The following B3GAT2 variants were observed in gnomAD, a reference collection of about 807,000 sequenced individuals.
B3GAT2 encodes the protein galactosylgalactosylxylosylprotein 3-beta-glucuronosyltransferase 2.
Under a neutral mutation model 27.8 loss-of-function variants are expected in B3GAT2, and 26 were observed. The observed-to-expected ratio is 0.93, with a 90% confidence interval of 0.68 to 1.30. The LOEUF (loss-of-function observed/expected upper bound fraction) is 1.30, where lower values mean the gene tolerates loss of function less well. Ranked by LOEUF, B3GAT2 falls within the 50% of genes most tolerant of loss-of-function variation. The pLI is 0.00. For synonymous variants in B3GAT2, 218 were observed against 195.1 expected (o/e 1.12, Z -0.98); for missense variants, 458 against 459.0 (o/e 1.00, Z 0.02).
chr6:70,935,474 G>GTA (rs754633194), intron 1 of B3GAT2, among the ~76,000 whole-genome samples: 9 of 151,226 alleles, frequency 6.0e-5, no homozygotes, highest in South Asian at 2.1e-4. Flanking sequence ...ATATATATGT[G>GTA]TATATATATA....
At chr6:70,883,602 A>G (rs1772133538) in intron 2 of B3GAT2, among the ~76,000 whole-genome samples, 1 of 152,228 alleles carries the variant, frequency 6.6e-6, no homozygotes, top group Non-Finnish European at 1.5e-5. Context: ...TAGTGAGCAT[A>G]GAATTTTGGT....
intron 1 of B3GAT2, among the ~76,000 whole-genome samples, chr6:70,926,782 C>T (rs1358804626): frequency 6.6e-6 from 1 of 152,058 alleles, no homozygotes; most frequent in Non-Finnish European, 1.5e-5. Flanking sequence ...ACTTCCCCAA[C>T]CTAGCAAGGC....
At chr6:70,899,610 C>T (rs73505631) in intron 1 of B3GAT2, among the ~76,000 whole-genome samples, 13 of 152,342 alleles carry the variant, frequency 8.5e-5, no homozygotes, top group African/African-American at 2.9e-4. Flanking sequence ...GATGCCCTCA[C>T]CATCTATGCC....
intron 2 of B3GAT2, among the ~76,000 whole-genome samples, chr6:70,888,471 A>C (rs1159951622): frequency 6.6e-6 from 1 of 152,118 alleles, no homozygotes; most frequent in African/African-American, 2.4e-5. Context: ...GTATAATCTG[A>C]AAAGGCTGTT....
At position 70,871,222 on chromosome 6, in the gene B3GAT2, G is replaced by GT. The variant is rs11367700; in HGVS notation, c.737-9245dup. Among the ~76,000 whole-genome samples, 87 of 65,646 alleles carry GT rather than the reference G, an allele frequency of 1.3e-3. 1 individual carries two copies. The highest frequency in any genetic ancestry group is 2.1e-3 in the Non-Finnish European group (56 of 27,262). The allele number at this position is 65,646 out of a possible 152,430, so 43.1% of individuals were successfully genotyped here. A position where few individuals can be genotyped will look rare whatever the true frequency, so the allele number is the denominator to read the frequency against. Reference sequence around the variant, plus strand: ...TAGGTCTGTCTGTTTTTTTTTTTTTGTTTTTTTTTTTTCTTCGTGATGTCT... The same window carrying GT: ...TAGGTCTGTCTGTTTTTTTTTTTTTGTTTTTTTTTTTTTCTTCGTGATGTCT... On this transcript the variant is annotated intron_variant, in intron 2 of 3. Transcript: ENST00000230053.
intron 1 of B3GAT2, among the ~76,000 whole-genome samples, chr6:70,924,222 T>C (rs954244523): frequency 1.3e-5 from 2 of 152,098 alleles, no homozygotes; most frequent in South Asian, 2.1e-4. Flanking sequence ...AAAAACCATA[T>C]ACACTAAAAA....
chr6:70,869,576 T>G (rs1262939142), intron 2 of B3GAT2, among the ~76,000 whole-genome samples: 5 of 152,226 alleles, frequency 3.3e-5, no homozygotes, highest in African/African-American at 1.2e-4. Flanking sequence ...TCCACTTATT[T>G]AGTTCTTCAT....
intron 1 of B3GAT2, among the ~76,000 whole-genome samples, chr6:70,949,475 A>G (rs1289612638): frequency 6.6e-6 from 1 of 150,590 alleles, no homozygotes; most frequent in African/African-American, 2.4e-5. Flanking sequence ...ACTGGCCATC[A>G]GAGAAATGCA....
intron 2 of B3GAT2, among the ~76,000 whole-genome samples, chr6:70,866,244 T>G (rs2150021853): frequency 6.6e-6 from 1 of 152,280 alleles, no homozygotes. Context: ...TGGAAGGTTA[T>G]CGTGCCTGTT....
At chr6:70,879,824 T>C (rs1407755622) in intron 2 of B3GAT2, among the ~76,000 whole-genome samples, 1 of 151,628 alleles carries the variant, frequency 6.6e-6, no homozygotes, top group Non-Finnish European at 1.5e-5. Flanking sequence ...GATGGCGGGA[T>C]TGTGAGATGG....
At chr6:70,914,000 T>C (rs1163531180) in intron 1 of B3GAT2, among the ~76,000 whole-genome samples, 3 of 152,184 alleles carry the variant, frequency 2.0e-5, no homozygotes, top group African/African-American at 7.2e-5. Flanking sequence ...TTGTCTAAAA[T>C]TAGAATAGTA....
chr6:70,918,629 G>T (rs970236159), intron 1 of B3GAT2, among the ~76,000 whole-genome samples: 4 of 152,094 alleles, frequency 2.6e-5, no homozygotes, highest in Non-Finnish European at 5.9e-5. Context: ...GTCTGTAAAG[G>T]ATTTTATTTC....
At chr6:70,885,369 T>G (rs1365578588) in intron 2 of B3GAT2, among the ~76,000 whole-genome samples, 3 of 152,222 alleles carry the variant, frequency 2.0e-5, no homozygotes, top group Non-Finnish European at 4.4e-5. Flanking sequence ...GCTCAAGTGC[T>G]GTTTGTTTAG....
intron 1 of B3GAT2, among the ~76,000 whole-genome samples, chr6:70,944,357 G>A (rs12215254): frequency 0.23 from 35,251 of 151,956 alleles, 5,141 homozygotes; most frequent in South Asian, 0.4. Flanking sequence ...CTGGAAAATC[G>A]GGTCACTCCC....
chr6:70,931,984 C>G (rs1773070263), intron 1 of B3GAT2, among the ~76,000 whole-genome samples: 1 of 152,056 alleles, frequency 6.6e-6, no homozygotes, highest in Non-Finnish European at 1.5e-5. Flanking sequence ...CCAAAGAAGA[C>G]AGACAAATGG....
At chr6:70,898,288 C>A (rs1478364703) in intron 1 of B3GAT2, among the ~76,000 whole-genome samples, 2 of 152,008 alleles carry the variant, frequency 1.3e-5, no homozygotes, top group Non-Finnish European at 2.9e-5. Flanking sequence ...TGATTTAATT[C>A]TTGAATCAAT....
chr6:70,941,364 C>G (rs1459279406), intron 1 of B3GAT2, among the ~76,000 whole-genome samples: 1 of 152,158 alleles, frequency 6.6e-6, no homozygotes, highest in East Asian at 1.9e-4. Flanking sequence ...AAAACAATCA[C>G]TCGAGGCAGT....
In B3GAT2 at chr6:70,861,689, G is replaced by C; in HGVS notation, c.946C>G (p.Leu316Val). The part of the protein sequence containing the change: ...VNLANEPKYH[L>V]DTVKIEV ...TATACCTCAATTTTCACTGTGTCCA[G>C]GTGGTACTTTGGCTCGTTGGCTAGA... Residue 316 changes from leucine (L) to valine (V), a missense_variant, in exon 4 of 4, where the codon CTG (leucine) becomes GTG (valine). Transcript: ENST00000230053. 6.2e-7 allele frequency: 1 copy of C among 1,614,096 alleles called. No homozygotes were observed. Among genetic ancestry groups the C allele is most frequent in the East Asian group, 2.2e-5 (1 of 44,878 alleles).
intron 1 of B3GAT2, among the ~76,000 whole-genome samples, chr6:70,910,931 G>A (rs1021489755): frequency 6.6e-5 from 10 of 152,164 alleles, no homozygotes; most frequent in African/African-American, 2.4e-4. Context: ...GATTAGTGAT[G>A]TTGGGCATTT....
Sources: gnomAD v4.1 joint callset for allele counts (sites outside exome capture counted in the v4.1 genomes callset) on GRCh38, gnomAD v4.1.1 for gene constraint, MANE v1.5 for transcripts, NCBI Gene and HGNC (gene_info 2026-07-23, HGNC 2026-07-21) for gene names.